Variants in DLG5 observed in about 807,000 individuals in gnomAD.
DLG5 encodes discs large MAGUK scaffold protein 5.
Under a neutral mutation model 189.8 loss-of-function variants are expected in DLG5, and 48 were observed. The observed-to-expected ratio is 0.25, with a 90% CI of 0.20 to 0.32. The LOEUF (loss-of-function observed/expected upper bound fraction) is 0.32. DLG5 is among the 10% of genes least tolerant of loss of function. The pLI is 1.00. For missense variants in DLG5, 2,160 were observed against 2,544.7 expected, an observed-to-expected ratio of 0.85 and a Z score of 3.25; for synonymous variants, 1,016 against 1,054.1, an observed-to-expected ratio of 0.96 and a Z score of 0.70.
intron 1 of DLG5, among the ~76,000 whole-genome samples, chr10:77,919,787 G>A (rs1846481458): frequency 6.6e-6 from 1 of 151,992 alleles, no homozygotes; most frequent in African/African-American, 2.4e-5. Flanking sequence ...AGACATCAAT[G>A]TCACACCACC....
chr10:77,911,424 G>A (rs944853007), intron 1 of DLG5, among the ~76,000 whole-genome samples: 4 of 152,170 alleles, frequency 2.6e-5, no homozygotes, highest in Non-Finnish European at 5.9e-5. Context: ...CAGAATTAAA[G>A]TATTTTAAAG....
At chr10:77,901,025 G>T (rs1389184440) in intron 1 of DLG5, among the ~76,000 whole-genome samples, 10 of 151,254 alleles carry the variant, frequency 6.6e-5, no homozygotes, top group African/African-American at 2.4e-4. Flanking sequence ...TGAGGCAGGA[G>T]AATGGCTTGA....
chr10:77,833,956 C>A lies in DLG5; in HGVS notation c.1706G>T (p.Arg569Leu). ...AEALRSLDDTRKQKNDVSREL... is the reference protein window; with the variant it reads ...AEALRSLDDTLKQKNDVSREL... ...GCGGCTGACATCATTCTTCTGCTTG[C>A]GGGTGTCATCCAGGCTGCGCAGGGC... The change falls in exon 9 of 32, where the codon CGC (arginine) becomes CTC (leucine). Residue 569 changes from arginine (R) to leucine (L), a missense_variant. Physicochemically the swap from Arg to Leu is moderately radical, Grantham distance 102. Around this residue, in one of 5 missense-constraint regions of DLG5, gnomAD observed 664 missense variants for 838.5 expected, o/e 0.79. Coordinates refer to ENST00000372391, the MANE Select transcript of DLG5 (RefSeq NM_004747.4). The A allele has an allele frequency of 1.2e-6, 2 of 1,606,894 alleles. No individual in the cohort carries two copies. The highest frequency in any genetic ancestry group is 1.7e-6 in the Non-Finnish European group (2 of 1,179,948).
chr10:77,796,184 C>T lies in DLG5; in HGVS notation c.5313G>A (p.Val1771=). ...CAATGGCCTGCTGGGAGGCCTTCAT[C>T]ACCTCTGCAATGCACAGACACAGGA... The part of the protein sequence containing the change: ...PGKFCRCPLE[V]MKASQQAIER... Residue 1771 remains valine (V), a synonymous_variant, in exon 29 of 32, where the codon GTG becomes GTA. Coordinates refer to ENST00000372391, the MANE Select transcript of DLG5 (RefSeq NM_004747.4). This position sits in a 1 kb window ranked among gnomAD's most constrained non-coding sequence, Gnocchi z 5.2. 1 of 1,614,144 alleles carries T rather than the reference C, an allele frequency of 6.2e-7. No individual in the cohort carries two copies. Among genetic ancestry groups the T allele is most frequent in the South Asian group, 1.1e-5 (1 of 91,086 alleles).
At chr10:77,881,665 G>C (rs931453557) in intron 1 of DLG5, among the ~76,000 whole-genome samples, 7 of 152,188 alleles carry the variant, frequency 4.6e-5, no homozygotes, top group Non-Finnish European at 1.5e-5. Context: ...TGGAGTTTCA[G>C]GAAGCTGTTT....
intron 2 of DLG5, chr10:77,868,752 G>A: frequency 3.7e-6 from 1 of 268,434 alleles, no homozygotes. Context: ...ACCCAATTCA[G>A]CATGGACTGG....
At chr10:77,904,245 T>C (rs990295835) in intron 1 of DLG5, among the ~76,000 whole-genome samples, 1 of 152,176 alleles carries the variant, frequency 6.6e-6, no homozygotes, top group African/African-American at 2.4e-5. Flanking sequence ...GCTGCCACCA[T>C]GTTAGAAGTG....
At chr10:77,802,848 C>T (rs1841283859) in intron 27 of DLG5, among the ~76,000 whole-genome samples, 1 of 152,068 alleles carries the variant, frequency 6.6e-6, no homozygotes, top group African/African-American at 2.4e-5. Flanking sequence ...TGCAGCGAGC[C>T]GAGATCGTAC....
chr10:77,857,451 G>T (rs987922843), intron 2 of DLG5, among the ~76,000 whole-genome samples: 1 of 152,208 alleles, frequency 6.6e-6, no homozygotes, highest in African/African-American at 2.4e-5. Flanking sequence ...CCGTCCACCC[G>T]CCTGAAAGAC....
intron 18 of DLG5, among the ~76,000 whole-genome samples, chr10:77,817,324 T>G (rs185971861): frequency 5.0e-4 from 76 of 152,340 alleles, no homozygotes; most frequent in African/African-American, 1.8e-3. Flanking sequence ...CAAGTCTCAC[T>G]TCCAGCCACG....
chr10:77,896,613 G>A lies in DLG5; in HGVS notation c.305-27416C>T, dbSNP rs149459640. ...CCCAGCACTTTGGGAGGCCAAGGGGGGGTGGATCACTGAGGTCAGGAGTTC... is the reference window on the plus strand; with the variant it reads ...CCCAGCACTTTGGGAGGCCAAGGGGAGGTGGATCACTGAGGTCAGGAGTTC... On this transcript the variant is annotated intron_variant, in intron 1 of 31. Coordinates refer to ENST00000372391, the MANE Select transcript of DLG5 (RefSeq NM_004747.4). 2.4e-4 allele frequency among the ~76,000 whole-genome samples: 37 copies of A among 152,256 alleles called. 1 individual carries two copies. In the East Asian group the frequency reaches 3.7e-3, roughly 15 times the overall value.
In DLG5 at chr10:77,843,709, G is replaced by A. The variant is rs754172932; in HGVS notation, c.865-3C>T. 50 of 1,613,900 alleles carry A rather than the reference G, an allele frequency of 3.1e-5. No individual in the cohort carries two copies. The highest frequency in any genetic ancestry group is 4.0e-5 in the Non-Finnish European group (47 of 1,179,990). Reference sequence around the variant, plus strand: ...GATGACCCGTTGTGCTTCAACACCTGGAGACCAGACAGTTTCACTTACCAA... The same window carrying A: ...GATGACCCGTTGTGCTTCAACACCTAGAGACCAGACAGTTTCACTTACCAA... On this transcript the variant is annotated splice_region_variant and splice_polypyrimidine_tract_variant and intron_variant, in intron 5 of 31. Transcript: ENST00000372391.
intron 24 of DLG5, among the ~76,000 whole-genome samples, 179 bp downstream of exon 24, chr10:77,809,368 T>C (rs866779580): frequency 9.9e-5 from 15 of 152,230 alleles, no homozygotes; most frequent in Admixed American, 2.0e-4. Context: ...ATTGTGCCAG[T>C]GCACTCCAGC....
intron 1 of DLG5, among the ~76,000 whole-genome samples, chr10:77,886,950 C>T (rs1320933309): frequency 2.0e-5 from 3 of 152,306 alleles, no homozygotes; most frequent in South Asian, 2.1e-4. Flanking sequence ...GCCCATCTGA[C>T]GCCCTGACCT....
chr10:77,910,305 T>C (rs920387238), intron 1 of DLG5, among the ~76,000 whole-genome samples: 1 of 152,232 alleles, frequency 6.6e-6, no homozygotes, highest in Middle Eastern at 3.2e-3. Flanking sequence ...CAGCAGCTGA[T>C]GGCCCTGAGC....
At chr10:77,932,452 A>G in the DLG5 span, among the ~76,000 whole-genome samples, 3 of 152,162 alleles carry the variant, frequency 2.0e-5, no homozygotes, top group African/African-American at 7.2e-5. Flanking sequence ...TTGAGGCCCT[A>G]CTTCAAAATA....
At chr10:77,867,947 T>C (rs1353463004) in intron 2 of DLG5, 3 of 456,658 alleles carry the variant, frequency 6.6e-6, no homozygotes, top group Middle Eastern at 3.3e-4. Flanking sequence ...CAGACACACA[T>C]GGACGGAGAA....
chr10:77,925,866 G>T (rs1415811060), intron 1 of DLG5, among the ~76,000 whole-genome samples: 1 of 152,226 alleles, frequency 6.6e-6, no homozygotes, highest in Non-Finnish European at 1.5e-5. Context: ...GGCTAGCACA[G>T]GGTGCCAAAG....
intron 7 of DLG5, among the ~76,000 whole-genome samples, chr10:77,841,501 T>A (rs1455171750): frequency 6.6e-6 from 1 of 152,250 alleles, no homozygotes; most frequent in East Asian, 1.9e-4. Flanking sequence ...AGGCCTAACG[T>A]ATCTATGGCT....
Sources: gnomAD v4.1 joint callset for allele counts (sites outside exome capture counted in the v4.1 genomes callset) on GRCh38, gnomAD v4.1.1 for gene constraint, gnomAD v4.1.1 regional missense constraint, Gnocchi (gnomAD v3.1) non-coding constraint, MANE v1.5 for transcripts, NCBI Gene and HGNC (gene_info 2026-07-23, HGNC 2026-07-21) for gene names.